The following TIAM1 variants were observed in gnomAD, a reference collection of about 807,000 sequenced individuals.
TIAM1 encodes TIAM Rac1 associated GEF 1.
TIAM1 carries 65 observed loss-of-function variants against 163.5 expected under a neutral mutation model. That is an observed-to-expected ratio of 0.40 (90% CI 0.33 to 0.49). The LOEUF is 0.49. Among genes scored for constraint, TIAM1 ranks in the 20% least tolerant of loss-of-function variants. The pLI, the probability that TIAM1 is intolerant of heterozygous loss-of-function variation, is 0.77. For missense variants in TIAM1, 1,789 were observed against 2,044.7 expected (o/e 0.87, Z 2.41); for synonymous variants, 833 against 810.1 (o/e 1.03, Z -0.48).
At chr21:31,150,588 G>T (rs1381922783) in intron 19 of TIAM1, among the ~76,000 whole-genome samples, 10 of 152,092 alleles carry the variant, frequency 6.6e-5, no homozygotes, top group Admixed American at 4.6e-4. Flanking sequence ...AGTTCAAATA[G>T]ATCAGAAGTC....
chr21:31,192,143 T>C (rs572521804), intron 13 of TIAM1, among the ~76,000 whole-genome samples: 10 of 152,220 alleles, frequency 6.6e-5, no homozygotes, highest in African/African-American at 2.4e-4. Context: ...GGTCAAGAAA[T>C]AAACAGCATA....
intron 2 of TIAM1, among the ~76,000 whole-genome samples, chr21:31,298,018 C>T (rs557209616): frequency 1.3e-5 from 2 of 152,288 alleles, no homozygotes; most frequent in South Asian, 4.1e-4. Flanking sequence ...TTTCTATGTA[C>T]ATTAGATAAT....
intron 1 of TIAM1, among the ~76,000 whole-genome samples, chr21:31,543,543 C>T (rs1358509662): frequency 1.3e-5 from 2 of 151,994 alleles, no homozygotes; most frequent in Admixed American, 6.6e-5. Context: ...AGGGAAGGGA[C>T]GACTTCAAGT....
intron 8 of TIAM1, among the ~76,000 whole-genome samples, chr21:31,219,114 A>T (rs1274522009): frequency 1.4e-5 from 2 of 140,466 alleles, no homozygotes; most frequent in Non-Finnish European, 3.0e-5. Flanking sequence ...GAAGCATTTC[A>T]CAAGGGAACA....
chr21:31,219,233 G>A (rs1373856327), intron 8 of TIAM1, among the ~76,000 whole-genome samples: 1 of 151,768 alleles, frequency 6.6e-6, no homozygotes, highest in East Asian at 1.9e-4. Flanking sequence ...ATCCTACCAG[G>A]TGGCAAGCAA....
chr21:31,413,416 C>G (rs1048717358), intron 2 of TIAM1, among the ~76,000 whole-genome samples: 3 of 151,950 alleles, frequency 2.0e-5, no homozygotes, highest in Non-Finnish European at 4.4e-5. Context: ...ACTACAGGCA[C>G]ATGCCAACAT....
At chr21:31,360,709 AG>A (rs1279372133) in intron 2 of TIAM1, among the ~76,000 whole-genome samples, 1 of 152,248 alleles carries the variant, frequency 6.6e-6, no homozygotes, top group Non-Finnish European at 1.5e-5. Flanking sequence ...CAAATCAATA[AG>A]AAAAACATCA....
chr21:31,337,358 G>C (rs2075873723), intron 2 of TIAM1, among the ~76,000 whole-genome samples: 1 of 151,966 alleles, frequency 6.6e-6, no homozygotes, highest in African/African-American at 2.4e-5. Flanking sequence ...AGGGAATCCA[G>C]CCCCTAAAGG....
intron 1 of TIAM1, among the ~76,000 whole-genome samples, chr21:31,488,935 G>C (rs1222780908): frequency 6.6e-6 from 1 of 151,572 alleles, no homozygotes; most frequent in Non-Finnish European, 1.5e-5. Flanking sequence ...CAAAATTATG[G>C]ATAACTTTTG....
At chr21:31,269,670 T>C (rs2072962263) in intron 3 of TIAM1, among the ~76,000 whole-genome samples, 1 of 131,228 alleles carries the variant, frequency 7.6e-6, no homozygotes, top group South Asian at 2.6e-4. Context: ...TAAGTTTGTT[T>C]GTTTTTTTTT....
chr21:31,453,255 T>C (rs1016167618), intron 2 of TIAM1: 4 of 238,628 alleles, frequency 1.7e-5, no homozygotes, highest in Admixed American at 4.0e-5. Context: ...AGCTGCTTTC[T>C]AGTGGTAGAG....
intron 15 of TIAM1, among the ~76,000 whole-genome samples, chr21:31,177,728 A>C (rs2084829861): frequency 1.3e-5 from 2 of 152,236 alleles, no homozygotes; most frequent in African/African-American, 4.8e-5. Flanking sequence ...CTCTATGAGA[A>C]AGCAGTTCAG....
chr21:31,306,642 A>C (rs1482889890), intron 2 of TIAM1, among the ~76,000 whole-genome samples: 1 of 152,156 alleles, frequency 6.6e-6, no homozygotes, highest in Non-Finnish European at 1.5e-5. Context: ...CAACGATCCA[A>C]TGTGGAGTGA....
chr21:31,335,177 A>T (rs2075798689), intron 2 of TIAM1, among the ~76,000 whole-genome samples: 1 of 152,212 alleles, frequency 6.6e-6, no homozygotes, highest in Non-Finnish European at 1.5e-5. Flanking sequence ...AAAGAGAAGC[A>T]TCCATCTCTT....
chr21:31,510,008 G>A (rs554913699), intron 1 of TIAM1, among the ~76,000 whole-genome samples: 1 of 152,290 alleles, frequency 6.6e-6, no homozygotes, highest in African/African-American at 2.4e-5. Context: ...GCCATCAAAG[G>A]ACCTCCTGAC....
intron 1 of TIAM1, among the ~76,000 whole-genome samples, chr21:31,339,923 C>CT (rs1375975495): frequency 6.6e-6 from 1 of 152,162 alleles, no homozygotes; most frequent in Non-Finnish European, 1.5e-5. Context: ...ACGACGCCTC[C>CT]TTGTTCTCCA....
chr21:31,337,232 C>T (rs1467253982), intron 2 of TIAM1, among the ~76,000 whole-genome samples: 1 of 152,034 alleles, frequency 6.6e-6, no homozygotes, highest in Non-Finnish European at 1.5e-5. Context: ...TGGGGGCACT[C>T]TAGACCCAGG....
chr21:31,491,627 A>C (rs936134718), intron 1 of TIAM1, among the ~76,000 whole-genome samples: 3 of 152,232 alleles, frequency 2.0e-5, no homozygotes, highest in Non-Finnish European at 4.4e-5. Flanking sequence ...CATATTCAAG[A>C]GGTAGAAAAT....
At position 31,195,741 on chromosome 21, in the gene TIAM1, T is replaced by C. The variant is rs546096249; in HGVS notation, c.2494-436A>G. Among the ~76,000 whole-genome samples, 5 of 152,324 alleles carry C rather than the reference T, an allele frequency of 3.3e-5. No homozygotes were observed. In the East Asian group the frequency reaches 9.7e-4, roughly 29 times the overall value. ...AGTACAAATAAGTAGAGACAAATGATAGCATTGAAACAGAAAACAAATTAC... is the reference window on the plus strand; with the variant it reads ...AGTACAAATAAGTAGAGACAAATGACAGCATTGAAACAGAAAACAAATTAC... On this transcript the variant is annotated intron_variant, in intron 12 of 27. Coordinates refer to ENST00000541036, the MANE Select transcript of TIAM1 (RefSeq NM_001353694.2).
Sources: allele counts gnomAD v4.1 joint callset (sites outside exome capture counted in the v4.1 genomes callset), GRCh38; gene constraint gnomAD v4.1.1; transcripts MANE v1.5; gene names NCBI Gene and HGNC (gene_info 2026-07-23, HGNC 2026-07-21).